The following FMN2 variants were observed in gnomAD, a reference collection of about 807,000 sequenced individuals.
FMN2 encodes the protein formin 2.
A neutral mutation model predicts 142.3 loss-of-function variants in FMN2; 51 were observed. The observed-to-expected ratio is 0.36, with a 90% CI of 0.29 to 0.45. The LOEUF (loss-of-function observed/expected upper bound fraction) is 0.45, where lower values mean the gene tolerates loss of function less well. Among genes scored for constraint, FMN2 ranks in the 20% least tolerant of loss-of-function variants. FMN2 has a pLI of 1.00. For missense variants in FMN2, 1,936 were observed against 2,122.8 expected (o/e 0.91, Z 1.73); for synonymous variants, 882 against 869.8 (o/e 1.01, Z -0.25).
chr1:240,305,478 A>G (rs577325329), intron 8 of FMN2, among the ~76,000 whole-genome samples: 49 of 152,258 alleles, frequency 3.2e-4, no homozygotes, highest in Non-Finnish European at 5.6e-4. Context: ...CAGGTTAAAA[A>G]TAAGTTAATC....
chr1:240,436,691 C>G (rs960652533), intron 15 of FMN2, among the ~76,000 whole-genome samples: 1 of 108,748 alleles, frequency 9.2e-6, no homozygotes, highest in African/African-American at 5.9e-5. Flanking sequence ...AAAAAAAAAA[C>G]TCAATATTTT....
chr1:240,280,376 A>G (rs1052238795), intron 7 of FMN2, among the ~76,000 whole-genome samples: 2 of 152,064 alleles, frequency 1.3e-5, no homozygotes, highest in East Asian at 1.9e-4. Context: ...GATGATTCTT[A>G]TTGGTATGAA....
intron 1 of FMN2, among the ~76,000 whole-genome samples, chr1:240,107,214 C>A (rs1454602629): frequency 6.6e-6 from 1 of 152,046 alleles, no homozygotes; most frequent in Non-Finnish European, 1.5e-5. Flanking sequence ...GCAATTTCAT[C>A]ATCACTGGAG....
At chr1:240,263,552 C>T (rs1668699007) in intron 7 of FMN2, among the ~76,000 whole-genome samples, 1 of 152,184 alleles carries the variant, frequency 6.6e-6, no homozygotes, top group Admixed American at 6.5e-5. Flanking sequence ...CCATTTCAGA[C>T]ATTAGTATGC....
intron 15 of FMN2, among the ~76,000 whole-genome samples, chr1:240,405,749 AC>A (rs1192482987): frequency 6.6e-6 from 1 of 152,252 alleles, no homozygotes; most frequent in Non-Finnish European, 1.5e-5. Flanking sequence ...AATTGAGTCT[AC>A]AATCATTGTT....
In FMN2 at chr1:240,091,929, A is replaced by G; in HGVS notation, c.-181A>G. 9.3e-7 allele frequency: 1 copy of G among 1,075,570 alleles called. No individual in the cohort carries two copies. Among genetic ancestry groups the G allele is most frequent in the Non-Finnish European group, 1.2e-6 (1 of 803,846 alleles). 66.6% of individuals were successfully genotyped at this position (1,075,570 alleles called of 1,614,324 possible). On this transcript the variant is annotated 5_prime_UTR_variant, in exon 1 of 18. It removes an upstream start codon present in the reference 5' UTR. Coordinates refer to ENST00000319653, the MANE Select transcript of FMN2 (RefSeq NM_020066.5). ...GCAGCCACGGGAGCCGCCGCGCATT[A>G]TGCAAAGCGGCGGCAGATGCGAGCG...
intron 6 of FMN2, among the ~76,000 whole-genome samples, chr1:240,242,373 G>A (rs1203811332): frequency 6.6e-6 from 1 of 152,138 alleles, no homozygotes; most frequent in Non-Finnish European, 1.5e-5. Context: ...TTTTTACTTG[G>A]TGGGAAGATG....
intron 6 of FMN2, among the ~76,000 whole-genome samples, chr1:240,213,306 G>T (rs1473581107): frequency 3.9e-5 from 6 of 151,976 alleles, no homozygotes; most frequent in Admixed American, 6.6e-5. Context: ...AGGGTTTATG[G>T]GACAGTCTCC....
chr1:240,383,042 G>A (rs941266453), intron 14 of FMN2, among the ~76,000 whole-genome samples: 5 of 152,108 alleles, frequency 3.3e-5, no homozygotes, highest in African/African-American at 9.7e-5. Context: ...AATGGTGCTA[G>A]GACAATTGGA....
intron 13 of FMN2, among the ~76,000 whole-genome samples, chr1:240,341,972 C>T (rs931966081): frequency 2.6e-5 from 4 of 152,142 alleles, no homozygotes; most frequent in Non-Finnish European, 4.4e-5. Context: ...GTTTGGGAGA[C>T]CAGTTACCAC....
chr1:240,092,715 G>A lies in FMN2; in HGVS notation c.606G>A (p.Ala202=). ...ATTTGCTTTCAGACATCCAGCAGGC[G>A]ATCCGCCTGCAGCAGCAGCAGCAGC... ...QEDLLSDIQQ[A]IRLQQQQQQQ... Residue 202 remains alanine, a synonymous_variant, in exon 1 of 18, where the codon GCG becomes GCA. Transcript: ENST00000319653. 1 of 1,613,590 alleles carries A rather than the reference G, an allele frequency of 6.2e-7. No individual in the cohort carries two copies. Among genetic ancestry groups the A allele is most frequent in the Middle Eastern group, 1.7e-4 (1 of 6,060 alleles).
intron 2 of FMN2, chr1:240,143,318 C>T: frequency 6.6e-7 from 1 of 1,510,508 alleles, no homozygotes; most frequent in South Asian, 1.1e-5. Context: ...GCTAAAGGTA[C>T]AGCCCTCCGG....
intron 6 of FMN2, among the ~76,000 whole-genome samples, chr1:240,241,464 A>G (rs1458630488): frequency 1.3e-5 from 2 of 152,136 alleles, no homozygotes; most frequent in African/African-American, 2.4e-5. Context: ...CATGGCTCTC[A>G]GGGACTGCCT....
chr1:240,307,949 C>A (rs900025371), intron 8 of FMN2, among the ~76,000 whole-genome samples: 1 of 152,042 alleles, frequency 6.6e-6, no homozygotes, highest in Non-Finnish European at 1.5e-5. Flanking sequence ...AGATCATTCA[C>A]CTTCTTGGTA....
intron 15 of FMN2, among the ~76,000 whole-genome samples, chr1:240,426,778 C>T (rs1674949476): frequency 6.6e-6 from 1 of 152,130 alleles, no homozygotes; most frequent in South Asian, 2.1e-4. Context: ...CTCTGTCACC[C>T]AGGATGGAGT....
At chr1:240,456,201 A>G (rs915008928) in intron 16 of FMN2, among the ~76,000 whole-genome samples, 4 of 152,086 alleles carry the variant, frequency 2.6e-5, no homozygotes, top group Admixed American at 2.6e-4. Context: ...ATAATCTCTT[A>G]TCTACAATTT....
intron 2 of FMN2, among the ~76,000 whole-genome samples, chr1:240,148,243 GACAA>G (rs1443303264): frequency 2.6e-5 from 4 of 151,302 alleles, no homozygotes; most frequent in Non-Finnish European, 4.4e-5. Context: ...GACCGAGAGA[GACAA>G]ACAGAGATAG....
At chr1:240,357,387 T>C (rs1275632815) in intron 14 of FMN2, among the ~76,000 whole-genome samples, 1 of 152,190 alleles carries the variant, frequency 6.6e-6, no homozygotes, top group Admixed American at 6.5e-5. Context: ...CCATACTGAA[T>C]AGTGAAATTA....
chr1:240,398,502 C>T (rs529068809), intron 15 of FMN2, among the ~76,000 whole-genome samples: 60 of 152,140 alleles, frequency 3.9e-4, no homozygotes, highest in Non-Finnish European at 6.8e-4. Context: ...ATGACAAAAT[C>T]GTTAGTAAAA....
Sources: gnomAD v4.1 joint callset for allele counts (sites outside exome capture counted in the v4.1 genomes callset) on GRCh38, gnomAD v4.1.1 for gene constraint, MANE v1.5 for transcripts, NCBI Gene and HGNC (gene_info 2026-07-23, HGNC 2026-07-21) for gene names.